The following PCCA variants were observed in gnomAD, a reference collection of about 807,000 sequenced individuals.
PCCA encodes the protein propionyl-CoA carboxylase subunit alpha, also known as propionyl-CoA carboxylase alpha chain, mitochondrial.
PCCA carries 74 observed loss-of-function variants against 101.3 expected under a neutral mutation model. That is an observed-to-expected ratio of 0.73 (90% CI 0.61 to 0.89). PCCA has a LOEUF of 0.89. Ranked by LOEUF, PCCA falls within the 40% of genes least tolerant of loss-of-function variation. PCCA has a pLI of 0.00. For missense variants in PCCA, 891 were observed against 907.0 expected (o/e 0.98, Z 0.23); for synonymous variants, 294 against 313.6 (o/e 0.94, Z 0.66).
chr13:100,408,219 G>A (rs1254225892), intron 19 of PCCA, among the ~76,000 whole-genome samples: 1 of 152,176 alleles, frequency 6.6e-6, no homozygotes, highest in African/African-American at 2.4e-5. Context: ...GCCAAGGTTT[G>A]CCTTCTTAAT....
chr13:100,241,257 C>T (rs537319369), intron 8 of PCCA, among the ~76,000 whole-genome samples: 1 of 151,930 alleles, frequency 6.6e-6, no homozygotes, highest in South Asian at 2.1e-4. Flanking sequence ...TATTTTCTTT[C>T]CATCTAGTCC....
intron 20 of PCCA, among the ~76,000 whole-genome samples, chr13:100,428,273 G>A (rs540497959): frequency 2.6e-5 from 4 of 151,696 alleles, no homozygotes; most frequent in African/African-American, 4.8e-5. Context: ...TCACTATGTT[G>A]CCCAGGCTGG....
chr13:100,190,999 A>T (rs2057703461), intron 6 of PCCA, among the ~76,000 whole-genome samples: 1 of 152,062 alleles, frequency 6.6e-6, no homozygotes, highest in African/African-American at 2.4e-5. Flanking sequence ...TTGGAGGCTG[A>T]TGTGGGAGGA....
At position 100,274,949 on chromosome 13, in the gene PCCA, T is replaced by G. The variant is rs188106701; in HGVS notation, c.1065+1603T>G. Among the ~76,000 whole-genome samples the G allele has an allele frequency of 1.3e-4, 19 of 146,004 alleles. No homozygotes were observed. In the East Asian group the frequency reaches 3.5e-3, roughly 27 times the overall value. ...CTGGGGTGGGTGAGTGGGGGGATTATGGGCTGATGGCTAAGGGGTGGAATA... is the reference window on the plus strand; with the variant it reads ...CTGGGGTGGGTGAGTGGGGGGATTAGGGGCTGATGGCTAAGGGGTGGAATA... On this transcript the variant is annotated intron_variant, in intron 12 of 23. Coordinates refer to ENST00000376285, the MANE Select transcript of PCCA (RefSeq NM_000282.4).
intron 11 of PCCA, among the ~76,000 whole-genome samples, chr13:100,272,848 A>G (rs2063387164): frequency 6.6e-6 from 1 of 152,170 alleles, no homozygotes; most frequent in Non-Finnish European, 1.5e-5. Context: ...AGATACTAAT[A>G]AGTTATTTTT....
intron 4 of PCCA, among the ~76,000 whole-genome samples, chr13:100,133,886 T>G (rs2050830074): frequency 6.6e-6 from 1 of 152,220 alleles, no homozygotes; most frequent in Non-Finnish European, 1.5e-5. Flanking sequence ...CATCTTTCTC[T>G]TGTGCTGCAT....
At chr13:100,142,552 C>A (rs534977757) in intron 4 of PCCA, among the ~76,000 whole-genome samples, 2 of 150,762 alleles carry the variant, frequency 1.3e-5, no homozygotes, top group South Asian at 4.2e-4. Flanking sequence ...TCGGCTCATG[C>A]AACCTCCGCC....
intron 4 of PCCA, among the ~76,000 whole-genome samples, chr13:100,122,116 G>C (rs1426066227): frequency 6.6e-6 from 1 of 152,072 alleles, no homozygotes; most frequent in African/African-American, 2.4e-5. Flanking sequence ...ATGATCATGT[G>C]GTTTTTGTCC....
At chr13:100,148,209 C>A (rs2052820224) in intron 4 of PCCA, among the ~76,000 whole-genome samples, 1 of 152,072 alleles carries the variant, frequency 6.6e-6, no homozygotes, top group Non-Finnish European at 1.5e-5. Context: ...CTTGGGTCTG[C>A]CACTGCTTGT....
chr13:100,491,229 A>G (rs1410575184), intron 21 of PCCA: 1 of 157,652 alleles, frequency 6.3e-6, no homozygotes, highest in East Asian at 1.9e-4. Flanking sequence ...AATGTATGTT[A>G]TGAGATAGAA....
chr13:100,313,650 G>A (rs1244287774), intron 16 of PCCA, among the ~76,000 whole-genome samples: 1 of 152,126 alleles, frequency 6.6e-6, no homozygotes, highest in Non-Finnish European at 1.5e-5. Flanking sequence ...ACAAGGAGGG[G>A]GTTTGTTTTG....
intron 19 of PCCA, among the ~76,000 whole-genome samples, chr13:100,380,557 A>G (rs759621726): frequency 5.1e-4 from 78 of 152,234 alleles, no homozygotes; most frequent in Non-Finnish European, 9.8e-4. Flanking sequence ...GATCTTTGAC[A>G]AAGGTGCCAA....
chr13:100,186,782 T>C lies in PCCA; in HGVS notation c.469-22550T>C, dbSNP rs887201107. ...AAAAGAAAATACAAAATAGGGATAG[T>C]GTAGAAGAAATCTGAGAATGTTTTC... On this transcript the variant is annotated intron_variant, in intron 6 of 23. Transcript: ENST00000376285. 2.0e-4 allele frequency among the ~76,000 whole-genome samples: 30 copies of C among 147,424 alleles called. 1 individual carries two copies. Among genetic ancestry groups the C allele is most frequent in the Admixed American group, 1.9e-3 (28 of 14,698 alleles).
chr13:100,458,024 G>A (rs1433058588), intron 21 of PCCA, among the ~76,000 whole-genome samples: 1 of 152,140 alleles, frequency 6.6e-6, no homozygotes, highest in Non-Finnish European at 1.5e-5. Context: ...CTGGGAACAT[G>A]AAGGACCACC....
At chr13:100,339,677 G>A (rs906115181) in intron 17 of PCCA, among the ~76,000 whole-genome samples, 5 of 152,158 alleles carry the variant, frequency 3.3e-5, no homozygotes, top group South Asian at 2.1e-4. Flanking sequence ...GAATCACGGC[G>A]TGATATTCTT....
chr13:100,136,002 GT>G (rs778793310), intron 4 of PCCA, among the ~76,000 whole-genome samples: 29 of 151,786 alleles, frequency 1.9e-4, no homozygotes, highest in Non-Finnish European at 3.8e-4. Flanking sequence ...GTGGTGTATT[GT>G]TTTTTATATA....
intron 19 of PCCA, among the ~76,000 whole-genome samples, chr13:100,381,388 C>CAA (rs984112724): frequency 2.3e-4 from 14 of 61,378 alleles, no homozygotes; most frequent in African/African-American, 5.6e-4. Context: ...GACTCCGTCT[C>CAA]AAAAAAAAAA....
chr13:100,514,410 A>G (rs969728433), intron 21 of PCCA, among the ~76,000 whole-genome samples: 4 of 152,170 alleles, frequency 2.6e-5, no homozygotes, highest in African/African-American at 9.7e-5. Flanking sequence ...TGCCCACAGG[A>G]GGCTTTGAGT....
chr13:100,445,401 A>G (rs970122108), intron 20 of PCCA, among the ~76,000 whole-genome samples: 3 of 146,658 alleles, frequency 2.0e-5, no homozygotes, highest in Non-Finnish European at 4.6e-5. Context: ...ATTAACATAT[A>G]TGTATTACCT....
Sources: allele counts gnomAD v4.1 joint callset (sites outside exome capture counted in the v4.1 genomes callset), GRCh38; gene constraint gnomAD v4.1.1; transcripts MANE v1.5; gene names NCBI Gene and HGNC (gene_info 2026-07-23, HGNC 2026-07-21).